The following KAZN variants were observed in gnomAD, a reference collection of about 807,000 sequenced individuals.
The protein encoded by KAZN is kazrin, periplakin interacting protein.
KAZN carries 40 observed loss-of-function variants against 87.4 expected under a neutral mutation model. The ratio of observed to expected loss-of-function variants is 0.46; its 90% CI spans 0.36 to 0.60. The LOEUF (loss-of-function observed/expected upper bound fraction) is 0.60, where lower values mean the gene tolerates loss of function less well. Among genes scored for constraint, KAZN ranks in the 20% least tolerant of loss-of-function variants. The pLI, the probability that KAZN is intolerant of heterozygous loss-of-function variation, is 0.00. For synonymous variants in KAZN, 466 were observed against 458.3 expected (o/e 1.02, Z -0.22); for missense variants, 898 against 1,073.9 (o/e 0.84, Z 2.29).
intron 2 of KAZN, among the ~76,000 whole-genome samples, chr1:14,421,452 A>T (rs1665422665): frequency 6.6e-6 from 1 of 152,116 alleles, no homozygotes; most frequent in African/African-American, 2.4e-5. Context: ...ACATCCCTTG[A>T]TCCCTGATTA....
rs371606820 is a variant in KAZN at position 14,371,717 on chromosome 1, T to C, written c.249+191125T>C. ...ATAAATATTTATTGACATCCTGAAA[T>C]GTCTAGGATGCCAAAAGCAGAACCA... On this transcript the variant is annotated intron_variant, in intron 2 of 16. Coordinates refer to the KAZN transcript ENST00000636203. Among the ~76,000 whole-genome samples the C allele has an allele frequency of 4.6e-5, 7 of 152,316 alleles. No homozygotes were observed. The South Asian group carries it at 6.2e-4, about 14-fold the overall frequency.
intron 1 of KAZN, among the ~76,000 whole-genome samples, chr1:13,940,307 T>C (rs1640883210): frequency 6.6e-6 from 1 of 151,926 alleles, no homozygotes; most frequent in Admixed American, 6.6e-5. Flanking sequence ...ATTACTGATT[T>C]AATTTCACAC....
chr1:14,539,336 T>C (rs537118067), intron 2 of KAZN, among the ~76,000 whole-genome samples: 1 of 152,362 alleles, frequency 6.6e-6, no homozygotes, highest in African/African-American at 2.4e-5. Flanking sequence ...CAAAATGTAA[T>C]GTTGTATCCT....
At chr1:14,881,082 C>G (rs1653290897) in intron 1 of KAZN, among the ~76,000 whole-genome samples, 1 of 152,188 alleles carries the variant, frequency 6.6e-6, no homozygotes, top group South Asian at 2.1e-4. Flanking sequence ...ATTCTTGGAG[C>G]ATGCGGTAAC....
At chr1:13,977,204 A>G (rs911060695) in intron 1 of KAZN, among the ~76,000 whole-genome samples, 3 of 152,186 alleles carry the variant, frequency 2.0e-5, no homozygotes. Context: ...TGTTCTAGAT[A>G]TTATCCGTCT....
rs372188699 is a variant in KAZN, at chr1:14,144,927, A to G, written c.92-35508A>G. Among the ~76,000 whole-genome samples, 7 of 152,350 alleles carry G rather than the reference A, an allele frequency of 4.6e-5. No homozygotes were observed. In the East Asian group the frequency reaches 7.7e-4, roughly 17 times the overall value. The stretch of plus-strand genomic sequence containing the variant: ...CACTGGCATGACCCAATAGCCTTCC[A>G]TCAGGCCCCACCTCCAACATTGCCA... On this transcript the variant is annotated intron_variant, in intron 1 of 16. Transcript: ENST00000636203.
intron 1 of KAZN, among the ~76,000 whole-genome samples, chr1:13,926,028 CAG>C (rs1294848329): frequency 6.6e-6 from 1 of 152,074 alleles, no homozygotes; most frequent in Admixed American, 6.6e-5. Flanking sequence ...GGTTGGGGGA[CAG>C]AGCGTGATTT....
intron 1 of KAZN, among the ~76,000 whole-genome samples, chr1:14,634,097 C>T (rs1267962639): frequency 1.3e-5 from 2 of 152,070 alleles, no homozygotes. Context: ...CCATTCTTTT[C>T]CCTCTCTTTG....
At chr1:14,086,962 G>T (rs917766198) in intron 1 of KAZN, among the ~76,000 whole-genome samples, 4 of 152,100 alleles carry the variant, frequency 2.6e-5, no homozygotes, top group African/African-American at 9.7e-5. Context: ...TCAAATAATT[G>T]TAAGGCCTCC....
chr1:13,988,796 G>A (rs1362645886), intron 1 of KAZN, among the ~76,000 whole-genome samples: 2 of 152,084 alleles, frequency 1.3e-5, no homozygotes, highest in Non-Finnish European at 2.9e-5. Flanking sequence ...AATATGTTTT[G>A]GGGTCACTAA....
intron 12 of KAZN, 50 bp downstream of exon 12, chr1:15,103,510 C>A: frequency 8.4e-7 from 1 of 1,196,834 alleles, no homozygotes; most frequent in Admixed American, 2.0e-5. Context: ...ACACAAACCC[C>A]ATGCAAATCT....
chr1:14,550,731 CTCTCT>C (rs1673453386), intron 2 of KAZN, among the ~76,000 whole-genome samples: 4 of 85,732 alleles, frequency 4.7e-5, no homozygotes, highest in Admixed American at 1.1e-4. Context: ...CTCTCTCTCT[CTCTCT>C]CTCCCCCACC....
intron 2 of KAZN, among the ~76,000 whole-genome samples, chr1:14,439,889 G>A (rs769840903): frequency 4.6e-5 from 7 of 152,050 alleles, no homozygotes; most frequent in Non-Finnish European, 8.8e-5. Flanking sequence ...CCTTCTTCCC[G>A]GAGGGTCCTT....
At chr1:14,520,036 G>T (rs546665809) in intron 2 of KAZN, among the ~76,000 whole-genome samples, 3 of 152,272 alleles carry the variant, frequency 2.0e-5, no homozygotes, top group African/African-American at 7.2e-5. Context: ...GCAAGAAGAC[G>T]CCTTATAATT....
intron 1 of KAZN, among the ~76,000 whole-genome samples, chr1:14,891,457 A>G (rs574786195): frequency 3.9e-4 from 59 of 152,266 alleles, no homozygotes; most frequent in East Asian, 7.7e-4. Flanking sequence ...ATAGTCTCCA[A>G]TCCCATCCAG....
intron 1 of KAZN, among the ~76,000 whole-genome samples, chr1:14,078,787 C>T (rs374186541): frequency 2.5e-4 from 38 of 152,274 alleles, no homozygotes; most frequent in Admixed American, 2.4e-3. Context: ...TGGGTTCAAA[C>T]GATTCTCCTG....
At chr1:14,754,837 A>T (rs900430332) in intron 1 of KAZN, among the ~76,000 whole-genome samples, 1 of 152,104 alleles carries the variant, frequency 6.6e-6, no homozygotes, top group Non-Finnish European at 1.5e-5. Flanking sequence ...ACCACCTGCC[A>T]GCTGTGTGAC....
chr1:14,408,498 T>A (rs76929086), intron 2 of KAZN, among the ~76,000 whole-genome samples: 1,722 of 150,410 alleles, frequency 0.011, 19 homozygotes, highest in Non-Finnish European at 0.019. Flanking sequence ...TTTCTCACCG[T>A]TGTCAAGGCT....
chr1:14,142,167 A>T (rs1645255250), intron 1 of KAZN, among the ~76,000 whole-genome samples: 1 of 149,556 alleles, frequency 6.7e-6, no homozygotes, highest in Admixed American at 6.7e-5. Context: ...TACAGGCTGA[A>T]CCTAAGACCC....
Sources: gnomAD v4.1 joint callset for allele counts (sites outside exome capture counted in the v4.1 genomes callset) on GRCh38, gnomAD v4.1.1 for gene constraint, MANE v1.5 for transcripts, NCBI Gene and HGNC (gene_info 2026-07-23, HGNC 2026-07-21) for gene names.